Variants in ARHGAP39 observed in about 807,000 individuals in gnomAD.
The protein encoded by ARHGAP39 is Rho GTPase activating protein 39.
In ARHGAP39, 44 loss-of-function variants were observed where a neutral mutation model predicts 106.9. The observed-to-expected ratio is 0.41, with a 90% CI of 0.32 to 0.53. The LOEUF is 0.53. Ranked by LOEUF, ARHGAP39 falls within the 20% of genes least tolerant of loss-of-function variation. ARHGAP39 has a pLI of 0.21. For synonymous variants in ARHGAP39, 768 were observed against 693.2 expected (o/e 1.11, Z -1.69); for missense variants, 1,496 against 1,577.3 (o/e 0.95, Z 0.87).
intron 1 of ARHGAP39, among the ~76,000 whole-genome samples, chr8:144,668,311 T>C (rs1237791758): frequency 2.0e-5 from 3 of 152,088 alleles, no homozygotes; most frequent in Non-Finnish European, 2.9e-5. Context: ...CACAGTGGCA[T>C]GCACCTGTAG....
At chr8:144,700,175 G>T in the ARHGAP39 span, among the ~76,000 whole-genome samples, 1 of 152,140 alleles carries the variant, frequency 6.6e-6, no homozygotes, top group Non-Finnish European at 1.5e-5. This position sits in a 1 kb window ranked among gnomAD's most constrained non-coding sequence, Gnocchi z 5.6. Context: ...TCTCCCCCCT[G>T]GAGATCCCAG....
At chr8:144,552,035 G>A (rs1294400372) in intron 4 of ARHGAP39, among the ~76,000 whole-genome samples, 1 of 152,228 alleles carries the variant, frequency 6.6e-6, no homozygotes, top group African/African-American at 2.4e-5. Context: ...CCAGAGCAGA[G>A]AGACCATCTC....
chr8:144,552,423 G>C (rs966073210), intron 4 of ARHGAP39, among the ~76,000 whole-genome samples: 2 of 152,250 alleles, frequency 1.3e-5, no homozygotes, highest in Admixed American at 6.5e-5. Flanking sequence ...CAATGCCGCA[G>C]GTTTCCGAGG....
upstream of ARHGAP39, among the ~76,000 whole-genome samples, chr8:144,690,811 ATTTTTTT>A (rs113293471): frequency 1.4e-3 from 159 of 116,308 alleles, no homozygotes; most frequent in African/African-American, 4.3e-3. Context: ...CACCCAGCTG[ATTTTTTT>A]TTTTTTTTTT....
intron 1 of ARHGAP39, among the ~76,000 whole-genome samples, chr8:144,673,095 T>C (rs1280861853): frequency 6.6e-6 from 1 of 152,112 alleles, no homozygotes; most frequent in African/African-American, 2.4e-5. Flanking sequence ...CATGCACCTA[T>C]TGTTCCAGCT....
intron 1 of ARHGAP39, among the ~76,000 whole-genome samples, chr8:144,620,106 T>C (rs936993019): frequency 1.7e-5 from 2 of 119,040 alleles, no homozygotes; most frequent in Non-Finnish European, 3.5e-5. Context: ...TGTGTGTCCC[T>C]GAGCATGTGT....
chr8:144,617,804 CAGGGT>C (rs1563710550), intron 1 of ARHGAP39, among the ~76,000 whole-genome samples: 1 of 152,098 alleles, frequency 6.6e-6, no homozygotes, highest in Admixed American at 6.5e-5. Context: ...TTTTTTGAGG[CAGGGT>C]CTTGCTCTGT....
intron 6 of ARHGAP39, among the ~76,000 whole-genome samples, chr8:144,538,616 G>A (rs1169195139): frequency 3.9e-5 from 6 of 152,110 alleles, no homozygotes; most frequent in Non-Finnish European, 8.8e-5. Context: ...GGAGTGAGTG[G>A]TGCGATCTCA....
intron 1 of ARHGAP39, among the ~76,000 whole-genome samples, chr8:144,660,617 T>C (rs1821798561): frequency 1.3e-5 from 2 of 152,208 alleles, no homozygotes; most frequent in South Asian, 4.1e-4. Flanking sequence ...TCTCTCAGGA[T>C]CTTGGCCCAG....
chr8:144,593,683 G>A (rs1355610552), intron 2 of ARHGAP39, among the ~76,000 whole-genome samples: 2 of 152,094 alleles, frequency 1.3e-5, no homozygotes, highest in Non-Finnish European at 2.9e-5. Flanking sequence ...GTTCACAAAG[G>A]ACTCTCCTAA....
At chr8:144,694,917 G>A in the ARHGAP39 span, among the ~76,000 whole-genome samples, 1 of 151,958 alleles carries the variant, frequency 6.6e-6, no homozygotes, top group African/African-American at 2.4e-5. Context: ...TCAGCACCAA[G>A]TGCTATTGCT....
intron 4 of ARHGAP39, among the ~76,000 whole-genome samples, chr8:144,554,713 C>T (rs769908070): frequency 1.3e-5 from 2 of 152,178 alleles, no homozygotes; most frequent in Non-Finnish European, 2.9e-5. Context: ...AACGGAAGCT[C>T]GGGAAGGCTA....
At chr8:144,686,653 T>A (rs1480008018), upstream of ARHGAP39, among the ~76,000 whole-genome samples, 1 of 152,172 alleles carries the variant, frequency 6.6e-6, no homozygotes, top group Non-Finnish European at 1.5e-5. Flanking sequence ...CTCTCCCGCC[T>A]CAGGAGATCT....
chr8:144,663,251 T>TA lies in ARHGAP39; in HGVS notation c.-82+22434dup, dbSNP rs199886740. On this transcript the variant is annotated intron_variant, in intron 1 of 11. Coordinates refer to ENST00000377307, the MANE Select transcript of ARHGAP39 (RefSeq NM_025251.3). ...ACCTGAATCTAGGTAATTTATTTTT[T>TA]AAAAAAAAGGTTTATTTGGCTCACA... Among the ~76,000 whole-genome samples, 9 of 152,030 alleles carry TA rather than the reference T, an allele frequency of 5.9e-5. No individual in the cohort carries two copies. The East Asian group carries it at 7.7e-4, about 13-fold the overall frequency.
At chr8:144,542,461 C>T (rs1234174756) in intron 6 of ARHGAP39, among the ~76,000 whole-genome samples, 3 of 152,136 alleles carry the variant, frequency 2.0e-5, no homozygotes, top group Non-Finnish European at 4.4e-5. Context: ...TGCTCCTCAC[C>T]GAGGGTCCCT....
At chr8:144,582,324 G>A (rs578233711) in intron 2 of ARHGAP39, among the ~76,000 whole-genome samples, 1 of 152,184 alleles carries the variant, frequency 6.6e-6, no homozygotes. Flanking sequence ...GGGACACGGC[G>A]GCTCTGAAAA....
intron 6 of ARHGAP39, among the ~76,000 whole-genome samples, chr8:144,543,269 G>A (rs1298171149): frequency 6.6e-6 from 1 of 152,162 alleles, no homozygotes; most frequent in Non-Finnish European, 1.5e-5. Flanking sequence ...CACTGTGCCT[G>A]GCTGGGCCTG....
chr8:144,603,209 G>A (rs1188094898), intron 2 of ARHGAP39, among the ~76,000 whole-genome samples: 1 of 148,428 alleles, frequency 6.7e-6, no homozygotes, highest in Non-Finnish European at 1.5e-5. Context: ...GCGTGTGTGT[G>A]CTCATGTACC....
chr8:144,533,987 C>A (rs1816846371), intron 8 of ARHGAP39, 142 bp downstream of exon 8: 1 of 936,138 alleles, frequency 1.1e-6, no homozygotes, highest in Non-Finnish European at 1.6e-6. Flanking sequence ...CTAGCGTACC[C>A]CGCCACCCGC....
Sources: gnomAD v4.1 joint callset for allele counts (sites outside exome capture counted in the v4.1 genomes callset) on GRCh38, gnomAD v4.1.1 for gene constraint, Gnocchi (gnomAD v3.1) non-coding constraint, MANE v1.5 for transcripts, NCBI Gene and HGNC (gene_info 2026-07-23, HGNC 2026-07-21) for gene names.